The following XRRA1 variants were observed in gnomAD, a reference collection of about 807,000 sequenced individuals.
The protein encoded by XRRA1 is X-ray radiation resistance-associated protein 1.
Under a neutral mutation model 80.2 loss-of-function variants are expected in XRRA1, and 69 were observed. That is an observed-to-expected ratio of 0.86 (90% CI 0.71 to 1.05). The LOEUF (loss-of-function observed/expected upper bound fraction) is 1.05, where lower values mean the gene tolerates loss of function less well. Among genes scored for constraint, XRRA1 ranks in the 50% least tolerant of loss-of-function variants. The pLI is 0.00. For synonymous variants in XRRA1, 348 were observed against 389.9 expected, an observed-to-expected ratio of 0.89 and a Z score of 1.27; for missense variants, 967 against 976.4, an observed-to-expected ratio of 0.99 and a Z score of 0.13.
Position 74,845,244 on chromosome 11 carries a change from G to A in XRRA1, c.1756C>T (p.His586Tyr). ...QVSELPSSVI[H>Y]KDDLELKEKD... is the part of the protein sequence containing the mutation. ...TCCTTTAACTCTAAATCATCCTTATGGATGACGGAGGAAGGCAGTTCACTC... is the reference window on the plus strand; with the variant it reads ...TCCTTTAACTCTAAATCATCCTTATAGATGACGGAGGAAGGCAGTTCACTC... The change falls in exon 16 of 19, where the codon CAT becomes TAT. Residue 586 changes from histidine (H) to tyrosine (Y), a missense_variant. Physicochemically the swap from His to Tyr is moderately conservative, Grantham distance 83. Transcript: ENST00000684022. The A allele has an allele frequency of 6.2e-7, 1 of 1,613,658 alleles. No individual in the cohort carries two copies. Among genetic ancestry groups the A allele is most frequent in the Non-Finnish European group, 8.5e-7 (1 of 1,179,696 alleles).
intron 3 of XRRA1, among the ~76,000 whole-genome samples, 182 bp from the exon 4 acceptor site, chr11:74,937,250 C>T (rs1364253145): frequency 6.6e-6 from 1 of 152,078 alleles, no homozygotes; most frequent in Admixed American, 6.6e-5. Flanking sequence ...TAATTGGCCT[C>T]CAAACCCAGT....
rs2037183652 is a variant in XRRA1, at chr11:74,843,869, T to C, written c.2134A>G (p.Thr712Ala). 1.2e-5 allele frequency: 19 copies of C among 1,610,868 alleles called. No individual in the cohort carries two copies. The highest frequency in any genetic ancestry group is 1.6e-5 in the Non-Finnish European group (19 of 1,178,524). Residue 712 changes from threonine to alanine, a missense_variant, in exon 18 of 19, where the codon ACA becomes GCA. Physicochemically the swap from Thr to Ala is moderately conservative, Grantham distance 58 (BLOSUM62 0). Coordinates refer to ENST00000684022, the MANE Select transcript of XRRA1 (RefSeq NM_001378157.1). ...AGAGCCGTACCTAGTGGAGCCTCTG[T>C]AATGTTCCGGGGATCCCGCAAGCGA... ...FIRLRDPRNI[T>A]EAPLGAVLHQ...
In XRRA1 at chr11:74,843,286, T is replaced by G. The variant is rs534624848; in HGVS notation, c.2317A>C (p.Ser773Arg). The G allele has an allele frequency of 1.3e-6, 2 of 1,591,926 alleles. No individual in the cohort carries two copies. Among genetic ancestry groups the G allele is most frequent in the Non-Finnish European group, 1.7e-6 (2 of 1,169,564 alleles). ...TPLPMACPAL[S>R]ESQPKFGHFL... is the part of the protein sequence containing the mutation. The stretch of plus-strand genomic sequence containing the variant: ...TGGCCGAACTTGGGCTGGCTCTCAC[T>G]CAGCGCTGGGCAGGCCATGGGGAGC... The change falls in exon 19 of 19, where the codon AGT becomes CGT. Residue 773 changes from serine (S) to arginine (R), a missense_variant. Coordinates refer to ENST00000684022, the MANE Select transcript of XRRA1 (RefSeq NM_001378157.1).
intron 2 of XRRA1, among the ~76,000 whole-genome samples, chr11:74,942,861 T>C (rs1342278075): frequency 6.6e-6 from 1 of 152,178 alleles, no homozygotes; most frequent in African/African-American, 2.4e-5. Context: ...AAAGCTTCAC[T>C]ACATCTAGAC....
intron 8 of XRRA1, among the ~76,000 whole-genome samples, chr11:74,916,039 A>G (rs1938560180): frequency 6.6e-6 from 1 of 152,114 alleles, no homozygotes; most frequent in South Asian, 2.1e-4. Flanking sequence ...AAGTCTGCTG[A>G]TAATCTTATT....
intron 8 of XRRA1, chr11:74,919,893 C>T: frequency 2.6e-6 from 1 of 390,074 alleles, no homozygotes; most frequent in East Asian, 7.1e-5. Flanking sequence ...CAAATAAGCT[C>T]TGTACTTCGG....
intron 10 of XRRA1, among the ~76,000 whole-genome samples, chr11:74,881,040 C>G: frequency 6.8e-6 from 1 of 146,010 alleles, no homozygotes; most frequent in East Asian, 2.0e-4. Context: ...TCTCATTGAT[C>G]TGTCTAATGT....
At position 74,848,469 on chromosome 11, in the gene XRRA1, T is replaced by C. The variant is rs1056905543; in HGVS notation, c.1381-7A>G. The C allele has an allele frequency of 1.3e-6, 2 of 1,597,690 alleles. No individual in the cohort carries two copies. Among genetic ancestry groups the C allele is most frequent in the East Asian group, 2.2e-5 (1 of 44,524 alleles). On this transcript the variant is annotated splice_region_variant and splice_polypyrimidine_tract_variant and intron_variant, in intron 14 of 18. Coordinates refer to ENST00000684022, the MANE Select transcript of XRRA1 (RefSeq NM_001378157.1). ...TTGGGATTTCGCTTTTCACCTGTCA[T>C]GGAGAAGGGCCAGAATGAATTTGCT... is the stretch of plus-strand genomic sequence containing the variant.
At chr11:74,944,138 A>G (rs1394023013) in intron 2 of XRRA1, among the ~76,000 whole-genome samples, 2 of 152,210 alleles carry the variant, frequency 1.3e-5, no homozygotes, top group Non-Finnish European at 2.9e-5. Context: ...GTCTTTCATC[A>G]GTATTTCTTT....
chr11:74,923,244 A>C (rs1941359613), intron 7 of XRRA1, among the ~76,000 whole-genome samples: 1 of 152,220 alleles, frequency 6.6e-6, no homozygotes, highest in African/African-American at 2.4e-5. Context: ...TCTTGTTCTG[A>C]GAACCATGAA....
chr11:74,924,694 G>T (rs549931582), intron 7 of XRRA1, among the ~76,000 whole-genome samples: 1 of 151,660 alleles, frequency 6.6e-6, no homozygotes, highest in Non-Finnish European at 1.5e-5. Flanking sequence ...TTAGCTGGGT[G>T]TGGTGGTGCA....
rs577283272 is a variant in XRRA1, at chr11:74,933,864, G to A, written c.288C>T (p.His96=). 22 of 1,603,958 alleles carry A rather than the reference G, an allele frequency of 1.4e-5. 1 individual carries two copies. The South Asian group carries it at 2.5e-4, about 18-fold the overall frequency. ...HILDQAFLLK[H]HCVRKPSDLC... ...GATCTGATGGCTTCCTCACACAGTGGTGCTTCAGCTGGAACATAATACAAA... is the reference window on the plus strand; with the variant it reads ...GATCTGATGGCTTCCTCACACAGTGATGCTTCAGCTGGAACATAATACAAA... Residue 96 remains histidine, a synonymous_variant, in exon 5 of 19, where the codon CAC becomes CAT. Coordinates refer to ENST00000684022, the MANE Select transcript of XRRA1 (RefSeq NM_001378157.1).
intron 10 of XRRA1, among the ~76,000 whole-genome samples, chr11:74,868,162 A>C (rs925234787): frequency 6.6e-6 from 1 of 152,072 alleles, no homozygotes; most frequent in African/African-American, 2.4e-5. Context: ...CAAGTGATCC[A>C]CCTGCCTCAG....
In XRRA1 at chr11:74,926,025, G is replaced by GA. The variant is rs1051789049; in HGVS notation, c.522+1365dup. On this transcript the variant is annotated intron_variant, in intron 7 of 18. Coordinates refer to ENST00000684022, the MANE Select transcript of XRRA1 (RefSeq NM_001378157.1). ...CTACTGTTAAATATTTATAAACACA[G>GA]AAAAAAAATGCATCAGTTGTTGTAA... Among the ~76,000 whole-genome samples the GA allele has an allele frequency of 1.3e-4, 20 of 151,986 alleles. No homozygotes were observed. In the East Asian group the frequency reaches 1.7e-3, roughly 13 times the overall value.
intron 10 of XRRA1, among the ~76,000 whole-genome samples, chr11:74,893,106 T>C (rs895666763): frequency 2.8e-4 from 43 of 152,316 alleles, no homozygotes; most frequent in African/African-American, 9.6e-4. Flanking sequence ...CACATGCACA[T>C]GTATGTTTAT....
At chr11:74,844,025 C>A in intron 17 of XRRA1, 66 bp from the exon 18 acceptor site, 1 of 1,508,820 alleles carries the variant, frequency 6.6e-7, no homozygotes, top group Non-Finnish European at 9.2e-7. Flanking sequence ...GGCCTAACTT[C>A]ATACAGTCAC....
chr11:74,888,313 G>T (rs1285533698), intron 10 of XRRA1, among the ~76,000 whole-genome samples: 2 of 152,162 alleles, frequency 1.3e-5, no homozygotes, highest in Non-Finnish European at 2.9e-5. Context: ...GGCAAACAGG[G>T]TCTAGAGTGG....
intron 10 of XRRA1, among the ~76,000 whole-genome samples, chr11:74,897,969 A>T (rs1244754049): frequency 2.0e-5 from 3 of 152,188 alleles, no homozygotes; most frequent in Admixed American, 6.5e-5. Context: ...ACAAAATAGC[A>T]TAATTCTGTA....
chr11:74,947,801 T>TCCGCCTCCCC (rs1947900997), intron 1 of XRRA1, among the ~76,000 whole-genome samples: 1 of 152,184 alleles, frequency 6.6e-6, no homozygotes, highest in Non-Finnish European at 1.5e-5. Context: ...CTCGGCTCAC[T>TCCGCCTCCCC]GCAACCTCCG....
Sources: allele counts gnomAD v4.1 joint callset (sites outside exome capture counted in the v4.1 genomes callset), GRCh38; gene constraint gnomAD v4.1.1; transcripts MANE v1.5; gene names NCBI Gene and HGNC (gene_info 2026-07-23, HGNC 2026-07-21).